NR3C2: variants seen among roughly 807,000 people sequenced by gnomAD.
NR3C2 encodes nuclear receptor subfamily 3 group C member 2.
In NR3C2, 15 loss-of-function variants were observed where a neutral mutation model predicts 86.4. That is an observed-to-expected ratio of 0.17 (90% CI 0.12 to 0.27). The LOEUF (loss-of-function observed/expected upper bound fraction) is 0.27. Among genes scored for constraint, NR3C2 ranks in the 10% least tolerant of loss-of-function variants. The pLI, the probability that NR3C2 is intolerant of heterozygous loss-of-function variation, is 1.00. For synonymous variants in NR3C2, 458 were observed against 450.5 expected (o/e 1.02, Z -0.21); for missense variants, 960 against 1,195.6 (o/e 0.80, Z 2.91).
intron 3 of NR3C2, among the ~76,000 whole-genome samples, chr4:148,199,456 C>T (rs953265715): frequency 2.0e-5 from 3 of 152,078 alleles, no homozygotes; most frequent in Admixed American, 6.5e-5. Flanking sequence ...TTATTTCTCT[C>T]GCTATCTCTT....
chr4:148,244,395 T>C (rs1029478343), intron 3 of NR3C2, among the ~76,000 whole-genome samples: 2 of 152,220 alleles, frequency 1.3e-5, no homozygotes, highest in Admixed American at 1.3e-4. Flanking sequence ...TTCTCCAATA[T>C]GCTACACTCG....
intron 4 of NR3C2, among the ~76,000 whole-genome samples, chr4:148,186,353 T>G (rs1735889540): frequency 6.6e-6 from 1 of 152,244 alleles, no homozygotes; most frequent in African/African-American, 2.4e-5. Flanking sequence ...TCTTTATCTG[T>G]GAGAAAAATT....
intron 2 of NR3C2, among the ~76,000 whole-genome samples, chr4:148,362,551 T>C (rs1745891855): frequency 6.6e-6 from 1 of 152,206 alleles, no homozygotes; most frequent in African/African-American, 2.4e-5. Flanking sequence ...ATTATTTCCA[T>C]TCACTTACGG....
At chr4:148,330,464 AAAC>A (rs1473374803) in intron 2 of NR3C2, among the ~76,000 whole-genome samples, 3 of 152,192 alleles carry the variant, frequency 2.0e-5, no homozygotes, top group Non-Finnish European at 4.4e-5. Flanking sequence ...GCATCCTAGA[AAAC>A]AACCCTCTTC....
At chr4:148,419,388 G>A (rs2044521127) in intron 2 of NR3C2, among the ~76,000 whole-genome samples, 3 of 152,188 alleles carry the variant, frequency 2.0e-5, no homozygotes, top group Non-Finnish European at 4.4e-5. Flanking sequence ...AATTACATGT[G>A]CAAGTATGTA....
At chr4:148,444,331 A>G, upstream of NR3C2, 3 of 985,352 alleles carry the variant, frequency 3.0e-6, no homozygotes, top group African/African-American at 5.2e-5. Flanking sequence ...AGCCGCCGCG[A>G]TCACTCGCCC....
intron 2 of NR3C2, among the ~76,000 whole-genome samples, chr4:148,394,391 A>G (rs888155999): frequency 1.4e-4 from 22 of 152,096 alleles, no homozygotes; most frequent in African/African-American, 5.3e-4. Context: ...AAAACAAAAA[A>G]CAAAACAACC....
In NR3C2 at chr4:148,435,962, G is replaced by A. The variant is rs1560736117; in HGVS notation, c.899C>T (p.Pro300Leu). The stretch of plus-strand genomic sequence containing the variant: ...GCACCTTGAGTTGTTAATATTTGCA[G>A]GGCTAGACACAGAGGATCTCAGAGT... Reference protein sequence around the residue: ...NVTLRSSVSSPANINNSRCSV... With the variant: ...NVTLRSSVSSLANINNSRCSV... The change falls in exon 2 of 9, where the codon CCT becomes CTT. Residue 300 changes from proline to leucine, a missense_variant. Coordinates refer to ENST00000358102, the MANE Select transcript of NR3C2 (RefSeq NM_000901.5). 6.2e-7 allele frequency: 1 copy of A among 1,614,202 alleles called. No individual in the cohort carries two copies. Among genetic ancestry groups the A allele is most frequent in the South Asian group, 1.1e-5 (1 of 91,082 alleles).
chr4:148,286,937 G>A (rs905837171), intron 2 of NR3C2, among the ~76,000 whole-genome samples: 6 of 152,138 alleles, frequency 3.9e-5, no homozygotes, highest in Admixed American at 6.5e-5. Flanking sequence ...ACTCTCCAGC[G>A]GCACCACATT....
chr4:148,445,183 C>CA (rs1750519884), upstream of NR3C2, among the ~76,000 whole-genome samples: 1 of 152,058 alleles, frequency 6.6e-6, no homozygotes, highest in Admixed American at 6.5e-5. Flanking sequence ...CGCAGCCCTC[C>CA]AAAGTCCGGC....
chr4:148,231,058 C>G (rs1007006474), intron 3 of NR3C2, among the ~76,000 whole-genome samples: 5 of 152,210 alleles, frequency 3.3e-5, no homozygotes, highest in African/African-American at 1.2e-4. Flanking sequence ...TTAGGTCCTA[C>G]TTGTCAAGGT....
At chr4:148,110,806 T>C (rs1732014503) in intron 8 of NR3C2, among the ~76,000 whole-genome samples, 1 of 152,212 alleles carries the variant, frequency 6.6e-6, no homozygotes, top group African/African-American at 2.4e-5. Flanking sequence ...TACCCTTCCA[T>C]TTGAAACAAC....
chr4:148,380,015 AT>A (rs1746885524), intron 2 of NR3C2, among the ~76,000 whole-genome samples: 1 of 152,252 alleles, frequency 6.6e-6, no homozygotes, highest in Non-Finnish European at 1.5e-5. Flanking sequence ...ATTTTAAAAA[AT>A]GTAATTAGGG....
chr4:148,112,287 A>G (rs957721519), intron 8 of NR3C2, among the ~76,000 whole-genome samples: 2 of 152,224 alleles, frequency 1.3e-5, no homozygotes, highest in South Asian at 2.1e-4. Context: ...TTGTTTCAGA[A>G]TGTTTCATCT....
At chr4:148,268,748 A>G (rs539935500) in intron 2 of NR3C2, among the ~76,000 whole-genome samples, 21 of 152,322 alleles carry the variant, frequency 1.4e-4, no homozygotes, top group African/African-American at 4.8e-4. Context: ...CAAATCATGG[A>G]GGGTCTCTAA....
chr4:148,340,536 A>C (rs1014435087), intron 2 of NR3C2, among the ~76,000 whole-genome samples: 3 of 152,186 alleles, frequency 2.0e-5, no homozygotes, highest in Non-Finnish European at 2.9e-5. Context: ...AAACAACTAG[A>C]AGAAACTATT....
At chr4:148,160,401 C>A (rs1461210237) in intron 4 of NR3C2, among the ~76,000 whole-genome samples, 1 of 152,020 alleles carries the variant, frequency 6.6e-6, no homozygotes, top group Non-Finnish European at 1.5e-5. Context: ...TTTGCTCTAC[C>A]CTCCTGAGGC....
At chr4:148,417,220 G>A (rs1749056625) in intron 2 of NR3C2, among the ~76,000 whole-genome samples, 1 of 152,000 alleles carries the variant, frequency 6.6e-6, no homozygotes, top group Non-Finnish European at 1.5e-5. Context: ...CCCAAATTTT[G>A]TCTTAATTTT....
intron 3 of NR3C2, among the ~76,000 whole-genome samples, chr4:148,205,386 C>A (rs1221843168): frequency 6.6e-6 from 1 of 152,188 alleles, no homozygotes; most frequent in Non-Finnish European, 1.5e-5. Context: ...AAAAGGCTCT[C>A]TCTCTCCCCC....
Sources: gnomAD v4.1 joint callset for allele counts (sites outside exome capture counted in the v4.1 genomes callset) on GRCh38, gnomAD v4.1.1 for gene constraint, MANE v1.5 for transcripts, NCBI Gene and HGNC (gene_info 2026-07-23, HGNC 2026-07-21) for gene names.